The following LARP4B variants were observed in gnomAD, a reference collection of about 807,000 sequenced individuals.
The protein encoded by LARP4B is la-related protein 4B.
A neutral mutation model predicts 89.8 loss-of-function variants in LARP4B; 12 were observed. That is an observed-to-expected ratio of 0.13 (90% CI 0.09 to 0.22). The LOEUF is 0.22. Ranked by LOEUF, LARP4B falls within the 10% of genes least tolerant of loss-of-function variation. LARP4B has a pLI of 1.00. For synonymous variants in LARP4B, 367 were observed against 363.3 expected (o/e 1.01, Z -0.12); for missense variants, 757 against 947.7 (o/e 0.80, Z 2.64).
At chr10:865,140 T>A (rs1834833942) in intron 3 of LARP4B, among the ~76,000 whole-genome samples, 1 of 152,184 alleles carries the variant, frequency 6.6e-6, no homozygotes, top group Non-Finnish European at 1.5e-5. Flanking sequence ...CCTGTTCCCA[T>A]TCCCAATAGA....
chr10:808,724 CGTGTGTGT>C (rs144069236), downstream of LARP4B: 1 of 147,568 alleles, frequency 6.8e-6, no homozygotes, highest in East Asian at 2.0e-4. Flanking sequence ...GGATTAAAAG[CGTGTGTGT>C]GTGTGTGTGC....
rs907868624 is a variant in LARP4B at position 900,618 on chromosome 10, C to CTTT, written c.-39-14861_-39-14859dup. ...GCCCAGCTAAAAAAGGATATATTTC[C>CTTT]TTTTTTTTTTTTTTTTTGTGAGAAG... On this transcript the variant is annotated intron_variant, in intron 1 of 17. Coordinates refer to ENST00000316157, the MANE Select transcript of LARP4B (RefSeq NM_015155.3). Among the ~76,000 whole-genome samples, 686 of 118,972 alleles carry CTTT rather than the reference C, an allele frequency of 5.8e-3. 16 individuals are homozygous for CTTT. Among genetic ancestry groups the CTTT allele is most frequent in the African/African-American group, 0.02 (634 of 31,512 alleles). 78.1% of individuals were successfully genotyped at this position (118,972 alleles called of 152,430 possible). A position where few individuals can be genotyped will look rare whatever the true frequency, so the allele number is the denominator to read the frequency against.
chr10:839,319 G>A (rs533734234), intron 7 of LARP4B, among the ~76,000 whole-genome samples: 3 of 152,244 alleles, frequency 2.0e-5, no homozygotes, highest in Admixed American at 1.3e-4. Flanking sequence ...CCTCTGCTGC[G>A]GAATGTTCAT....
intron 1 of LARP4B, among the ~76,000 whole-genome samples, chr10:907,150 G>C (rs574228425): frequency 3.6e-4 from 55 of 152,268 alleles, no homozygotes; most frequent in African/African-American, 1.2e-3. Context: ...CAACACAAAA[G>C]TTTTATCACT....
chr10:930,682 C>T (rs551795217), intron 1 of LARP4B, among the ~76,000 whole-genome samples: 1 of 152,346 alleles, frequency 6.6e-6, no homozygotes, highest in South Asian at 2.1e-4. Context: ...CCAAGACCAA[C>T]ACAGGCAATC....
At chr10:857,051 A>G (rs147653344) in intron 5 of LARP4B, among the ~76,000 whole-genome samples, 80 of 152,154 alleles carry the variant, frequency 5.3e-4, no homozygotes, top group African/African-American at 1.5e-3. Flanking sequence ...ACCTCACCCC[A>G]CAGCACTGAA....
chr10:910,461 T>G, intron 1 of LARP4B, among the ~76,000 whole-genome samples: 1 of 152,234 alleles, frequency 6.6e-6, no homozygotes. Context: ...TGTGACACTC[T>G]CCATCTTCAG....
At chr10:916,379 T>C (rs1312885433) in intron 1 of LARP4B, among the ~76,000 whole-genome samples, 1 of 152,180 alleles carries the variant, frequency 6.6e-6, no homozygotes, top group African/African-American at 2.4e-5. Context: ...AGGGAATTCA[T>C]GGAAAATAAT....
rs1014770142 is a variant in LARP4B, at chr10:811,349, A to G, written c.*1577T>C. 2.0e-5 allele frequency: 3 copies of G among 152,696 alleles called. No homozygotes were observed. The highest frequency in any genetic ancestry group is 4.4e-5 in the Non-Finnish European group (3 of 68,046). 9.5% of individuals were successfully genotyped at this position (152,696 alleles called of 1,614,324 possible). A position where few individuals can be genotyped will look rare whatever the true frequency, so the allele number is the denominator to read the frequency against. ...TGATTATTTACAACTGTACAAGCGA[A>G]GCACACTCCAAGTGCACGTATTTAA... is the stretch of plus-strand genomic sequence containing the variant. On this transcript the variant is annotated 3_prime_UTR_variant, in exon 18 of 18. Transcript: ENST00000316157.
At chr10:841,154 A>G (rs1478870138) in intron 7 of LARP4B, among the ~76,000 whole-genome samples, 1 of 152,216 alleles carries the variant, frequency 6.6e-6, no homozygotes, top group Non-Finnish European at 1.5e-5. Context: ...TTCCATCTCA[A>G]AAATAAATAA....
In LARP4B at chr10:888,524, T is replaced by G. The variant is rs1321492544; in HGVS notation, c.-39-2764A>C. Among the ~76,000 whole-genome samples the G allele has an allele frequency of 2.0e-5, 3 of 152,170 alleles. No individual in the cohort carries two copies. In the South Asian group the frequency reaches 6.2e-4, roughly 31 times the overall value. On this transcript the variant is annotated intron_variant, in intron 1 of 17. Coordinates refer to ENST00000316157, the MANE Select transcript of LARP4B (RefSeq NM_015155.3). ...GCGAAAGGACGTGAAGCAAAATCAA[T>G]TGTACCACAGGCACAAACAAGTGTT...
the LARP4B span, among the ~76,000 whole-genome samples, chr10:973,459 C>T: frequency 6.6e-6 from 1 of 152,044 alleles, no homozygotes; most frequent in African/African-American, 2.4e-5. Flanking sequence ...TCACACCATT[C>T]TCCTGCCTCA....
chr10:823,592 C>G (rs542093799), intron 13 of LARP4B, among the ~76,000 whole-genome samples: 2 of 150,970 alleles, frequency 1.3e-5, no homozygotes, highest in South Asian at 2.1e-4. Context: ...AGGCTGAGGC[C>G]GGGGGGCCTT....
chr10:864,684 C>A (rs140572043), intron 3 of LARP4B, among the ~76,000 whole-genome samples: 29 of 152,252 alleles, frequency 1.9e-4, no homozygotes, highest in African/African-American at 6.3e-4. Context: ...CAGGGCGCGG[C>A]GGCTCACACC....
At chr10:906,102 G>A (rs1836484788) in intron 1 of LARP4B, among the ~76,000 whole-genome samples, 1 of 152,184 alleles carries the variant, frequency 6.6e-6, no homozygotes, top group Admixed American at 6.5e-5. Context: ...CTGAGACTTG[G>A]TCAATTAGAT....
chr10:935,669 A>G (rs1589004625), upstream of LARP4B, among the ~76,000 whole-genome samples: 1 of 149,992 alleles, frequency 6.7e-6, no homozygotes, highest in African/African-American at 2.5e-5. Flanking sequence ...AGAGGCCTAC[A>G]TTTCAAGTGG....
At chr10:817,507 C>A (rs113380320) in intron 15 of LARP4B, among the ~76,000 whole-genome samples, 2 of 152,304 alleles carry the variant, frequency 1.3e-5, no homozygotes, top group African/African-American at 4.8e-5. Flanking sequence ...CACGTTTCTA[C>A]CTCTGACTTC....
At chr10:926,592 C>T (rs554233998) in intron 1 of LARP4B, among the ~76,000 whole-genome samples, 20 of 152,216 alleles carry the variant, frequency 1.3e-4, no homozygotes, top group Middle Eastern at 3.4e-3. Context: ...GGCTACAGTG[C>T]GACTAAAATG....
At chr10:828,464 C>G (rs556800121) in intron 11 of LARP4B, among the ~76,000 whole-genome samples, 81 of 152,282 alleles carry the variant, frequency 5.3e-4, no homozygotes, top group Admixed American at 9.1e-4. Context: ...TTCTCAAGTT[C>G]TCTCTGCTCT....
Sources: gnomAD v4.1 joint callset for allele counts (sites outside exome capture counted in the v4.1 genomes callset) on GRCh38, gnomAD v4.1.1 for gene constraint, MANE v1.5 for transcripts, NCBI Gene and HGNC (gene_info 2026-07-23, HGNC 2026-07-21) for gene names.